Variants in RSU1 observed in about 807,000 individuals in gnomAD.
RSU1 encodes Ras suppressor protein 1.
A neutral mutation model predicts 31.1 loss-of-function variants in RSU1; 26 were observed. That is an observed-to-expected ratio of 0.84 (90% CI 0.61 to 1.16). The LOEUF (loss-of-function observed/expected upper bound fraction) is 1.16, where lower values mean the gene tolerates loss of function less well. Ranked by LOEUF, RSU1 falls within the 50% of genes most tolerant of loss-of-function variation. The probability of loss-of-function intolerance (pLI) is 0.00; values close to 1 mark genes in which losing one functional copy is unlikely to be tolerated. For missense variants in RSU1, 320 were observed against 339.1 expected, an observed-to-expected ratio of 0.94 and a Z score of 0.44; for synonymous variants, 164 against 136.3, an observed-to-expected ratio of 1.20 and a Z score of -1.41.
At chr10:16,716,770 C>T (rs1302769163) in intron 7 of RSU1, among the ~76,000 whole-genome samples, 1 of 152,026 alleles carries the variant, frequency 6.6e-6, no homozygotes, top group East Asian at 1.9e-4. Flanking sequence ...GGGTATGAAG[C>T]GTTATTAAAT....
chr10:16,638,123 T>C (rs771568635), intron 8 of RSU1, among the ~76,000 whole-genome samples: 1 of 152,184 alleles, frequency 6.6e-6, no homozygotes. Flanking sequence ...TTTAGATTTA[T>C]ATATTTTATA....
At chr10:16,815,199 C>A (rs533686906) in intron 2 of RSU1, among the ~76,000 whole-genome samples, 1 of 152,346 alleles carries the variant, frequency 6.6e-6, no homozygotes, top group East Asian at 1.9e-4. Context: ...ACAGCAAGGA[C>A]CCTTACGGAA....
At chr10:16,662,378 GTTTC>G (rs745724363) in intron 8 of RSU1, among the ~76,000 whole-genome samples, 197 of 152,268 alleles carry the variant, frequency 1.3e-3, no homozygotes, top group Middle Eastern at 3.4e-3. Flanking sequence ...ACTAACATGT[GTTTC>G]TTTGAGATAC....
intron 2 of RSU1, among the ~76,000 whole-genome samples, chr10:16,784,906 C>T (rs1347352198): frequency 6.6e-6 from 1 of 151,990 alleles, no homozygotes; most frequent in Non-Finnish European, 1.5e-5. Context: ...TATCACATGG[C>T]CAGGGCAGGA....
intron 2 of RSU1, among the ~76,000 whole-genome samples, chr10:16,785,431 T>TATATATATACAAATATATACATATATAC (rs1837759318): frequency 1.6e-5 from 2 of 128,006 alleles, no homozygotes; most frequent in Non-Finnish European, 3.0e-5. Context: ...TATATACATA[T>TATATATATACAAATATATACATATATAC]ATATATATAC....
At chr10:16,638,713 C>G (rs1834389891) in intron 8 of RSU1, among the ~76,000 whole-genome samples, 1 of 152,278 alleles carries the variant, frequency 6.6e-6, no homozygotes, top group African/African-American at 2.4e-5. Context: ...AGCTCAATCT[C>G]GTCCATATAA....
At chr10:16,609,776 C>A (rs1833863899) in intron 8 of RSU1, among the ~76,000 whole-genome samples, 4 of 152,152 alleles carry the variant, frequency 2.6e-5, no homozygotes, top group Non-Finnish European at 5.9e-5. Context: ...TAAAACAAGC[C>A]CTCTTTTATT....
chr10:16,754,105 G>A (rs1483182021), intron 5 of RSU1, among the ~76,000 whole-genome samples: 3 of 152,130 alleles, frequency 2.0e-5, no homozygotes, highest in Non-Finnish European at 4.4e-5. Context: ...ATGTGCTTGA[G>A]AAAGTCATAG....
chr10:16,731,810 AT>A (rs895814657), intron 7 of RSU1, among the ~76,000 whole-genome samples: 233 of 144,872 alleles, frequency 1.6e-3, no homozygotes, highest in African/African-American at 4.8e-3. Context: ...GTTCTTGCTC[AT>A]TTTTTTTTTT....
intron 8 of RSU1, among the ~76,000 whole-genome samples, chr10:16,673,960 T>G (rs1835171486): frequency 6.6e-6 from 1 of 152,194 alleles, no homozygotes; most frequent in Non-Finnish European, 1.5e-5. Flanking sequence ...ATTTACCTTT[T>G]ATAGGCTCTT....
At chr10:16,620,712 A>G (rs532447316) in intron 8 of RSU1, among the ~76,000 whole-genome samples, 29 of 152,068 alleles carry the variant, frequency 1.9e-4, no homozygotes, top group South Asian at 8.3e-4. Context: ...GGGTGTGGTG[A>G]TGGGTGCCTG....
intron 8 of RSU1, among the ~76,000 whole-genome samples, chr10:16,597,138 G>A (rs898055303): frequency 6.6e-5 from 10 of 152,342 alleles, no homozygotes; most frequent in African/African-American, 2.2e-4. Context: ...AGCAGAGGGA[G>A]AGGAGCAGTA....
chr10:16,670,631 T>A (rs1156963848), intron 8 of RSU1, among the ~76,000 whole-genome samples: 1 of 152,142 alleles, frequency 6.6e-6, no homozygotes, highest in Admixed American at 6.5e-5. Context: ...ATTAGATATC[T>A]CTCCACTTAA....
At chr10:16,712,275 A>G (rs1836036671) in intron 7 of RSU1, among the ~76,000 whole-genome samples, 1 of 152,082 alleles carries the variant, frequency 6.6e-6, no homozygotes, top group Non-Finnish European at 1.5e-5. Flanking sequence ...TTATTTTTAA[A>G]ACCTGTTCGA....
Position 16,635,163 on chromosome 10 carries a change from T to C in RSU1, c.732-41667A>G, listed in dbSNP as rs368616406. Among the ~76,000 whole-genome samples the C allele has an allele frequency of 7.2e-5, 11 of 152,346 alleles. No individual in the cohort carries two copies. In the East Asian group the frequency reaches 1.7e-3, roughly 24 times the overall value. On this transcript the variant is annotated intron_variant, in intron 8 of 8. Transcript: ENST00000345264. ...CAAATGAAATACACAAATTGTGGTA[T>C]ACATGTGCAATGGAATATTGGCTGC...
At chr10:16,750,360 T>A (rs1367268193) in intron 7 of RSU1, among the ~76,000 whole-genome samples, 1 of 152,144 alleles carries the variant, frequency 6.6e-6, no homozygotes, top group East Asian at 1.9e-4. Flanking sequence ...TACATACGGC[T>A]CGCAAAAATA....
intron 8 of RSU1, among the ~76,000 whole-genome samples, chr10:16,637,235 C>A (rs963311660): frequency 6.6e-6 from 1 of 152,162 alleles, no homozygotes. Flanking sequence ...TTTATGATAT[C>A]CACAGTTATC....
chr10:16,814,685 G>A (rs1348422172), intron 2 of RSU1, among the ~76,000 whole-genome samples: 1 of 152,048 alleles, frequency 6.6e-6, no homozygotes, highest in Non-Finnish European at 1.5e-5. Context: ...AGCCAGAGGA[G>A]ATGGAATCTG....
chr10:16,805,677 A>G (rs1306237243), intron 2 of RSU1, among the ~76,000 whole-genome samples: 2 of 151,914 alleles, frequency 1.3e-5, no homozygotes, highest in Non-Finnish European at 2.9e-5. Context: ...AAAAAAAAAA[A>G]AAAAAAGCTT....
Sources: gnomAD v4.1 joint callset for allele counts (sites outside exome capture counted in the v4.1 genomes callset) on GRCh38, gnomAD v4.1.1 for gene constraint, MANE v1.5 for transcripts, NCBI Gene and HGNC (gene_info 2026-07-23, HGNC 2026-07-21) for gene names.